Variants in TLE3 observed in about 807,000 individuals in gnomAD.
TLE3 encodes the protein transducin-like enhancer protein 3.
A neutral mutation model predicts 93.0 loss-of-function variants in TLE3; 14 were observed. The observed-to-expected ratio is 0.15, with a 90% CI of 0.10 to 0.24. The LOEUF (loss-of-function observed/expected upper bound fraction) is 0.24, where lower values mean the gene tolerates loss of function less well. Among genes scored for constraint, TLE3 ranks in the 10% least tolerant of loss-of-function variants. The pLI is 1.00. For synonymous variants in TLE3, 451 were observed against 425.0 expected, an observed-to-expected ratio of 1.06 and a Z score of -0.75; for missense variants, 693 against 1,046.6, an observed-to-expected ratio of 0.66 and a Z score of 4.66.
At chr15:70,055,562 T>G in intron 14 of TLE3, 2 of 391,700 alleles carry the variant, frequency 5.1e-6, no homozygotes, top group Non-Finnish European at 9.0e-6. Flanking sequence ...TGTCCTGGAA[T>G]GCCCTTTCCC....
rs2056401096 is a variant in TLE3 at position 70,060,508 on chromosome 15, TGCCATGGC to T, written c.714+14_714+21del. On this transcript the variant is annotated intron_variant, in intron 9 of 19. Transcript: ENST00000451782. ...CCCTACCCAACAGAAACCCCAGTGG[TGCCATGGC>T]GCCTTGGACGTACGTATCGGCTCAA... is the stretch of plus-strand genomic sequence containing the variant. 6.2e-7 allele frequency: 1 copy of T among 1,612,908 alleles called. No individual in the cohort carries two copies. The highest frequency in any genetic ancestry group is 1.7e-5 in the Admixed American group (1 of 59,984).
intron 19 of TLE3, chr15:70,051,160 G>A (rs1044750453): frequency 7.5e-6 from 3 of 397,456 alleles, no homozygotes; most frequent in African/African-American, 2.1e-5. Context: ...CCTTGCCCTC[G>A]GGGGTCAGAA....
At chr15:70,086,182 T>C (rs2058028841) in intron 4 of TLE3, among the ~76,000 whole-genome samples, 1 of 152,180 alleles carries the variant, frequency 6.6e-6, no homozygotes, top group African/African-American at 2.4e-5. Context: ...GGAAGGTTAA[T>C]AGAAGTTCTT....
At chr15:70,055,979 T>C (rs1166320286) in intron 14 of TLE3, 2 of 434,074 alleles carry the variant, frequency 4.6e-6, no homozygotes, top group African/African-American at 2.0e-5. Context: ...CCCAAAGGAG[T>C]CGGCAAGGCC....
rs562880674 is a variant in TLE3, at chr15:70,049,444, ACTTTTCTC to A, written c.*645_*652del. On this transcript the variant is annotated 3_prime_UTR_variant, in exon 20 of 20. Coordinates refer to ENST00000451782, the MANE Select transcript of TLE3 (RefSeq NM_001105192.3). ...CTGGTTGCCTTTTCCACACTCTAAGACTTTTCTCCTCTTTCTTCAATTGGTTCCCCTCC... is the reference window on the plus strand; with the variant it reads ...CTGGTTGCCTTTTCCACACTCTAAGACTCTTTCTTCAATTGGTTCCCCTCC... 9 of 148,548 alleles carry A rather than the reference ACTTTTCTC, an allele frequency of 6.1e-5. No homozygotes were observed. Among genetic ancestry groups the A allele is most frequent in the Admixed American group, 2.0e-4 (3 of 14,734 alleles). The allele number at this position is 148,548 out of a possible 1,614,324, so 9.2% of individuals were successfully genotyped here. A position where few individuals can be genotyped will look rare whatever the true frequency, so the allele number is the denominator to read the frequency against.
At chr15:70,089,716 T>G (rs992810498) in intron 4 of TLE3, among the ~76,000 whole-genome samples, 4 of 152,196 alleles carry the variant, frequency 2.6e-5, no homozygotes, top group African/African-American at 9.6e-5. Context: ...CTGCCAAGCT[T>G]AGGTCTTTGT....
Position 70,053,235 on chromosome 15 carries a change from T to A in TLE3, c.1966A>T (p.Thr656Ser). ...EGRQLQQHDF[T>S]SQIFSLGYCP... ...AGTCTTGGGCCGCACACCTGGGAAG[T>A]GAAGTCATGCTGCTGTAGCTGTCGG... The change falls in exon 17 of 20, where the codon ACT (threonine) becomes TCT (serine). Residue 656 changes from threonine to serine, a missense_variant. This residue lies in a region of TLE3 where 153 missense variants were observed against 379.9 expected (regional missense o/e 0.40). Transcript: ENST00000451782. 1 of 1,609,442 alleles carries A rather than the reference T, an allele frequency of 6.2e-7. No individual in the cohort carries two copies. Among genetic ancestry groups the A allele is most frequent in the Non-Finnish European group, 8.5e-7 (1 of 1,177,980 alleles).
At chr15:70,053,541 C>T in intron 16 of TLE3, 167 bp from the exon 17 acceptor site, 1 of 721,326 alleles carries the variant, frequency 1.4e-6, no homozygotes, top group South Asian at 2.6e-5. Context: ...CGGCCTCTTT[C>T]CAGTTCCAGG....
chr15:70,093,870 C>T (rs1018732799), intron 4 of TLE3, among the ~76,000 whole-genome samples: 1 of 152,166 alleles, frequency 6.6e-6, no homozygotes, highest in African/African-American at 2.4e-5. Flanking sequence ...TCTCGAAAGT[C>T]CTGGCTAGGC....
chr15:70,095,645 C>G lies in TLE3; in HGVS notation c.126-4G>C, dbSNP rs1392080538. On this transcript the variant is annotated splice_polypyrimidine_tract_variant and splice_region_variant and intron_variant, in intron 2 of 19. Coordinates refer to ENST00000451782, the MANE Select transcript of TLE3 (RefSeq NM_001105192.3). ...CTTGTCGTACTCCACTTTGAGGCTG[C>G]GAGGGCAGGAGGAGCCGGCTCAGGC... 1 of 1,551,404 alleles carries G rather than the reference C, an allele frequency of 6.4e-7. No individual in the cohort carries two copies. The highest frequency in any genetic ancestry group is 1.4e-5 in the African/African-American group (1 of 73,178).
rs751023951 is a variant in TLE3, at chr15:70,054,455, G to T, written c.1809C>A (p.His603Gln). 3.1e-6 allele frequency: 5 copies of T among 1,613,788 alleles called. No individual in the cohort carries two copies. In the Admixed American group the frequency reaches 8.3e-5, roughly 27 times the overall value. Residue 603 changes from histidine to glutamine, a missense_variant, in exon 16 of 20, where the codon CAC becomes CAA. Transcript: ENST00000451782. ...CGGCTCACCTGACCAGGGTCTGGTT[G>T]TGCAGGTCCCAGACAGCAATGTTCC... ...SDGNIAVWDLHNQTLVRQFQG... is the reference protein window; with the variant it reads ...SDGNIAVWDLQNQTLVRQFQG...
At chr15:70,073,438 C>A (rs1836725838) in intron 6 of TLE3, among the ~76,000 whole-genome samples, 1 of 152,156 alleles carries the variant, frequency 6.6e-6, no homozygotes, top group Non-Finnish European at 1.5e-5. Flanking sequence ...ATAGTGACTT[C>A]CCACGAGAAC....
rs1262885829 is a variant in TLE3 at position 70,057,595 on chromosome 15, C to T, written c.1115G>A (p.Ser372Asn). ...SSYAAPFAMM[S>N]HHEMNGSLTS... is the part of the protein sequence containing the mutation. ...GAGGGAGCCGTTCATCTCATGGTGGCTCATCATGGCGAAGGGCGCCGCATA... is the reference window on the plus strand; with the variant it reads ...GAGGGAGCCGTTCATCTCATGGTGGTTCATCATGGCGAAGGGCGCCGCATA... The change falls in exon 13 of 20, where the codon AGC (serine) becomes AAC (asparagine). Residue 372 changes from serine (S) to asparagine (N), a missense_variant. This residue lies in a region of TLE3 where 405 missense variants were observed against 468.9 expected (regional missense o/e 0.86). Transcript: ENST00000451782. 1.9e-6 allele frequency: 3 copies of T among 1,596,244 alleles called. No homozygotes were observed. The highest frequency in any genetic ancestry group is 2.6e-6 in the Non-Finnish European group (3 of 1,172,674).
At chr15:70,072,621 T>G (rs763948240) in intron 6 of TLE3, among the ~76,000 whole-genome samples, 2 of 152,236 alleles carry the variant, frequency 1.3e-5, no homozygotes, top group African/African-American at 2.4e-5. Flanking sequence ...CACCTGGGCC[T>G]CTGGCCTGGC....
At chr15:70,060,248 C>G (rs924082518) in intron 9 of TLE3, among the ~76,000 whole-genome samples, 1 of 152,204 alleles carries the variant, frequency 6.6e-6, no homozygotes, top group Admixed American at 6.5e-5. Flanking sequence ...ATGACAGCAG[C>G]ATGGGGTTGT....
intron 13 of TLE3, 96 bp downstream of exon 13, chr15:70,057,363 T>G (rs2056138979): frequency 7.0e-7 from 1 of 1,419,244 alleles, no homozygotes; most frequent in Non-Finnish European, 9.4e-7. Flanking sequence ...CTTGAGACCC[T>G]GAGGGGCCCC....
intron 16 of TLE3, chr15:70,053,664 G>A: frequency 4.0e-6 from 1 of 250,906 alleles, no homozygotes; most frequent in Admixed American, 5.3e-5. Flanking sequence ...TCCCTCCAGG[G>A]TGGGCCTCTG....
chr15:70,053,792 C>CTTAA (rs1430556525), intron 16 of TLE3: 1 of 164,258 alleles, frequency 6.1e-6, no homozygotes, highest in Non-Finnish European at 1.3e-5. Flanking sequence ...GACACAGCTC[C>CTTAA]TTAACTCGCA....
chr15:70,072,918 T>C (rs1177900938), intron 6 of TLE3, among the ~76,000 whole-genome samples: 1 of 152,216 alleles, frequency 6.6e-6, no homozygotes, highest in African/African-American at 2.4e-5. Context: ...ATTTCCCCTC[T>C]TGGGGTGCTG....
Sources: gnomAD v4.1 joint callset for allele counts (sites outside exome capture counted in the v4.1 genomes callset) on GRCh38, gnomAD v4.1.1 for gene constraint, gnomAD v4.1.1 regional missense constraint, MANE v1.5 for transcripts, NCBI Gene and HGNC (gene_info 2026-07-23, HGNC 2026-07-21) for gene names.